PTPRD: variants seen among roughly 807,000 people sequenced by gnomAD.
PTPRD encodes the protein protein tyrosine phosphatase receptor type D.
In PTPRD, 34 loss-of-function variants were observed where a neutral mutation model predicts 214.5. The observed-to-expected ratio is 0.16, with a 90% confidence interval of 0.12 to 0.21. PTPRD has a LOEUF of 0.21. Ranked by LOEUF, PTPRD falls within the 10% of genes least tolerant of loss-of-function variation. The pLI, the probability that PTPRD is intolerant of heterozygous loss-of-function variation, is 1.00. For synonymous variants in PTPRD, 1,128 were observed against 845.7 expected (o/e 1.33, Z -5.79); for missense variants, 2,545 against 2,398.7 (o/e 1.06, Z -1.27).
chr9:10,263,472 G>A (rs2093833538), intron 3 of PTPRD, among the ~76,000 whole-genome samples: 1 of 152,260 alleles, frequency 6.6e-6, no homozygotes, highest in East Asian at 1.9e-4. Context: ...AGATGGAGAT[G>A]AGGAACTTGT....
chr9:8,951,910 A>T (rs868485473), intron 11 of PTPRD, among the ~76,000 whole-genome samples: 1 of 152,056 alleles, frequency 6.6e-6, no homozygotes, highest in Admixed American at 6.6e-5. Context: ...CTTGAAATGA[A>T]TTCCAAAGAA....
chr9:8,793,871 G>C (rs2096318011), intron 11 of PTPRD, among the ~76,000 whole-genome samples: 1 of 152,148 alleles, frequency 6.6e-6, no homozygotes, highest in Non-Finnish European at 1.5e-5. Context: ...ATAACCACCT[G>C]TCTAAAATCA....
chr9:10,298,051 A>G (rs1465440540), intron 3 of PTPRD, among the ~76,000 whole-genome samples: 1 of 152,182 alleles, frequency 6.6e-6, no homozygotes, highest in African/African-American at 2.4e-5. Flanking sequence ...TATGCAAAAC[A>G]TAGAAATTGG....
intron 5 of PTPRD, among the ~76,000 whole-genome samples, chr9:9,771,852 A>G (rs1447246331): frequency 1.3e-5 from 2 of 152,204 alleles, no homozygotes; most frequent in Non-Finnish European, 2.9e-5. Context: ...AATGACTTCA[A>G]AATAAATCCA....
Position 9,812,133 on chromosome 9 carries a change from A to T in PTPRD, c.-367-45282T>A, listed in dbSNP as rs552072376. On this transcript the variant is annotated intron_variant, in intron 5 of 45. Transcript: ENST00000381196. Reference sequence around the variant, plus strand: ...ACAAGTTAATTTTTAATGAAGGTATATGCATTTTTTTTTAGACATATGCTA... The same window carrying T: ...ACAAGTTAATTTTTAATGAAGGTATTTGCATTTTTTTTTAGACATATGCTA... Among the ~76,000 whole-genome samples the T allele has an allele frequency of 1.9e-3, 187 of 100,512 alleles. 1 individual carries two copies. The highest frequency in any genetic ancestry group is 0.013 in the African/African-American group (168 of 13,112). 65.9% of individuals were successfully genotyped at this position (100,512 alleles called of 152,430 possible).
chr9:9,770,958 T>C (rs2098747246), intron 5 of PTPRD, among the ~76,000 whole-genome samples: 1 of 152,166 alleles, frequency 6.6e-6, no homozygotes, highest in African/African-American at 2.4e-5. Context: ...AGTAATGCAG[T>C]ATCATTAGAA....
chr9:9,079,959 G>A (rs1323781109), intron 10 of PTPRD, among the ~76,000 whole-genome samples: 1 of 152,014 alleles, frequency 6.6e-6, no homozygotes. Context: ...TGCACAGTAT[G>A]CTTGATGAAG....
intron 8 of PTPRD, among the ~76,000 whole-genome samples, chr9:9,440,051 A>G (rs2086913514): frequency 1.3e-5 from 2 of 152,314 alleles, no homozygotes; most frequent in Admixed American, 1.3e-4. Flanking sequence ...TGCAGTCTAG[A>G]AACCATAAAA....
intron 44 of PTPRD, among the ~76,000 whole-genome samples, chr9:8,330,008 G>A (rs10976960): frequency 0.14 from 21,973 of 151,880 alleles, 2,039 homozygotes; most frequent in East Asian, 0.35. Flanking sequence ...ACCAAGCCAG[G>A]CACTGGAGGG....
At chr9:8,939,593 C>T (rs1424062755) in intron 11 of PTPRD, among the ~76,000 whole-genome samples, 1 of 141,176 alleles carries the variant, frequency 7.1e-6, no homozygotes, top group African/African-American at 2.6e-5. Context: ...ACACACACAT[C>T]AGCTTATTTC....
At chr9:10,319,252 T>C (rs552804578) in intron 3 of PTPRD, among the ~76,000 whole-genome samples, 21 of 152,212 alleles carry the variant, frequency 1.4e-4, no homozygotes, top group African/African-American at 4.8e-4. Flanking sequence ...ATTCTGTCTC[T>C]TCAAGCTTGC....
chr9:10,136,380 T>C (rs986400608), intron 3 of PTPRD, among the ~76,000 whole-genome samples: 6 of 152,032 alleles, frequency 3.9e-5, no homozygotes, highest in Non-Finnish European at 7.4e-5. Flanking sequence ...TGACGAATTG[T>C]TCCTAATAGA....
intron 2 of PTPRD, among the ~76,000 whole-genome samples, chr9:10,608,167 T>C (rs983663363): frequency 1.3e-5 from 2 of 152,056 alleles, no homozygotes; most frequent in African/African-American, 4.8e-5. Flanking sequence ...TTTATCCAAA[T>C]GTGATGCTGC....
At chr9:9,217,818 A>G (rs2099953270) in intron 9 of PTPRD, among the ~76,000 whole-genome samples, 1 of 152,040 alleles carries the variant, frequency 6.6e-6, no homozygotes, top group Admixed American at 6.6e-5. Context: ...GTCCAGTATT[A>G]TCTTGTCCAT....
At chr9:9,064,530 T>TC (rs1168905953) in intron 10 of PTPRD, among the ~76,000 whole-genome samples, 1 of 152,166 alleles carries the variant, frequency 6.6e-6, no homozygotes, top group East Asian at 1.9e-4. Flanking sequence ...CATTTCAAGG[T>TC]CAGACTCTTT....
chr9:9,687,888 C>G (rs1228632474), intron 7 of PTPRD, among the ~76,000 whole-genome samples: 1 of 151,770 alleles, frequency 6.6e-6, no homozygotes, highest in Non-Finnish European at 1.5e-5. Flanking sequence ...CAACTCTTAT[C>G]TCGAATTGTA....
intron 10 of PTPRD, among the ~76,000 whole-genome samples, chr9:9,147,430 T>A (rs1486489924): frequency 2.0e-5 from 3 of 152,156 alleles, no homozygotes; most frequent in East Asian, 3.9e-4. Context: ...TAAATTTTAC[T>A]ACTGAAGCTT....
At chr9:10,363,006 TTATAATGTAAGTTTATA>T (rs2097425996) in intron 2 of PTPRD, among the ~76,000 whole-genome samples, 1 of 152,212 alleles carries the variant, frequency 6.6e-6, no homozygotes, top group South Asian at 2.1e-4. Context: ...AGTCTGCTAT[TTATAATGTAAGTTTATA>T]TCAGAAATTC....
chr9:8,877,675 A>C, intron 11 of PTPRD, among the ~76,000 whole-genome samples: 1 of 152,204 alleles, frequency 6.6e-6, no homozygotes. Context: ...ATCTCCATTA[A>C]ACTTGACACA....
Sources: allele counts gnomAD v4.1 joint callset (sites outside exome capture counted in the v4.1 genomes callset), GRCh38; gene constraint gnomAD v4.1.1; transcripts MANE v1.5; gene names NCBI Gene and HGNC (gene_info 2026-07-23, HGNC 2026-07-21).